The following METTL8 variants were observed in gnomAD, a reference collection of about 807,000 sequenced individuals.
METTL8 encodes the protein tRNA N(3)-cytidine methyltransferase METTL8, mitochondrial.
METTL8 carries 32 observed loss-of-function variants against 48.7 expected under a neutral mutation model. The observed-to-expected ratio is 0.66, with a 90% CI of 0.50 to 0.88. METTL8 has a LOEUF of 0.88. Ranked by LOEUF, METTL8 falls within the 40% of genes least tolerant of loss-of-function variation. METTL8 has a pLI of 0.00. For synonymous variants in METTL8, 136 were observed against 157.1 expected (o/e 0.87, Z 1.01); for missense variants, 464 against 474.4 (o/e 0.98, Z 0.20).
chr2:171,397,365 A>C (rs1456766255), intron 1 of METTL8, among the ~76,000 whole-genome samples: 1 of 146,518 alleles, frequency 6.8e-6, no homozygotes, highest in African/African-American at 2.5e-5. Context: ...AAAAAAAAAA[A>C]AAAAAAAAAA....
chr2:171,345,171 C>G (rs1046766433), intron 3 of METTL8, among the ~76,000 whole-genome samples: 1 of 152,118 alleles, frequency 6.6e-6, no homozygotes, highest in Admixed American at 6.6e-5. Flanking sequence ...CCCAATGAAG[C>G]AACTTCTCAA....
chr2:171,374,812 G>C, intron 2 of METTL8: 1 of 660,624 alleles, frequency 1.5e-6, no homozygotes, highest in Non-Finnish European at 2.7e-6. Context: ...ATTCATCCAT[G>C]TTGTATATGT....
At chr2:171,429,188 G>A (rs1692724310) in intron 1 of METTL8, among the ~76,000 whole-genome samples, 2 of 152,102 alleles carry the variant, frequency 1.3e-5, no homozygotes, top group African/African-American at 4.8e-5. Flanking sequence ...TTTTAATTGA[G>A]TGCTGTCACA....
chr2:171,384,776 G>A (rs1430869887), intron 2 of METTL8, among the ~76,000 whole-genome samples: 23 of 152,066 alleles, frequency 1.5e-4, no homozygotes. Context: ...AAACTGCAAT[G>A]AGCTGTGATC....
intron 2 of METTL8, among the ~76,000 whole-genome samples, chr2:171,377,486 T>C (rs997758627): frequency 3.3e-5 from 5 of 152,208 alleles, no homozygotes; most frequent in Non-Finnish European, 7.4e-5. Context: ...TCAAACTATG[T>C]ATCTGACAAA....
intron 1 of METTL8, among the ~76,000 whole-genome samples, chr2:171,401,808 C>A (rs1423781179): frequency 2.7e-5 from 4 of 150,386 alleles, no homozygotes; most frequent in Non-Finnish European, 5.9e-5. Flanking sequence ...TTGATGGCAT[C>A]ATTGAACAGG....
At chr2:171,410,615 C>G (rs2105621029) in intron 1 of METTL8, among the ~76,000 whole-genome samples, 1 of 152,280 alleles carries the variant, frequency 6.6e-6, no homozygotes, top group East Asian at 1.9e-4. Context: ...AATAGCAAAA[C>G]ATTTTTGAAA....
chr2:171,402,095 C>G (rs1448338292), intron 1 of METTL8, among the ~76,000 whole-genome samples: 1 of 152,066 alleles, frequency 6.6e-6, no homozygotes, highest in African/African-American at 2.4e-5. Context: ...CTAGTGGTGG[C>G]TCTGAGAAGC....
chr2:171,429,976 G>A (rs1352147526), intron 1 of METTL8, among the ~76,000 whole-genome samples: 2 of 151,238 alleles, frequency 1.3e-5, no homozygotes, highest in Non-Finnish European at 3.0e-5. Context: ...GGAAGCAGAG[G>A]TTGCAGTGAG....
chr2:171,426,271 A>T (rs1692407806), intron 1 of METTL8, among the ~76,000 whole-genome samples: 1 of 152,232 alleles, frequency 6.6e-6, no homozygotes, highest in East Asian at 1.9e-4. Flanking sequence ...AGTAGTAAAC[A>T]TGAATGAATT....
At chr2:171,387,123 A>G (rs1688132688) in intron 2 of METTL8, among the ~76,000 whole-genome samples, 1 of 1,100 alleles carries the variant, frequency 9.1e-4, no homozygotes, top group Non-Finnish European at 4.1e-3. Context: ...CCTGGGATAC[A>G]GAAATCTGTC....
chr2:171,423,314 C>T (rs1409452193), intron 1 of METTL8, among the ~76,000 whole-genome samples: 1 of 152,104 alleles, frequency 6.6e-6, no homozygotes, highest in Non-Finnish European at 1.5e-5. Flanking sequence ...GAATGGGGTG[C>T]TGCTGTAAAG....
intron 1 of METTL8, among the ~76,000 whole-genome samples, chr2:171,422,580 T>C (rs1649287593): frequency 6.6e-6 from 1 of 152,066 alleles, no homozygotes; most frequent in Non-Finnish European, 1.5e-5. Context: ...TGAAGAATTG[T>C]TACGGAGAAA....
chr2:171,333,774 C>T (rs139394698), intron 5 of METTL8, among the ~76,000 whole-genome samples: 172 of 152,238 alleles, frequency 1.1e-3, no homozygotes, highest in South Asian at 5.4e-3. Context: ...ACAAGACTGC[C>T]TAAGGTTTGA....
chr2:171,399,718 A>G (rs1480871164), intron 1 of METTL8, among the ~76,000 whole-genome samples: 1 of 152,226 alleles, frequency 6.6e-6, no homozygotes, highest in Non-Finnish European at 1.5e-5. Flanking sequence ...AATGCACATG[A>G]CAAAATACCT....
chr2:171,335,813 A>C (rs986856962), intron 5 of METTL8, among the ~76,000 whole-genome samples: 2 of 152,144 alleles, frequency 1.3e-5, no homozygotes, highest in South Asian at 2.1e-4. Flanking sequence ...TTAAAACAAA[A>C]ATTTTGTCAG....
At chr2:171,345,247 A>G (rs970077455) in intron 3 of METTL8, among the ~76,000 whole-genome samples, 3 of 152,212 alleles carry the variant, frequency 2.0e-5, no homozygotes, top group African/African-American at 7.2e-5. Flanking sequence ...CCATCCTTAA[A>G]TATTCAGAAT....
intron 3 of METTL8, among the ~76,000 whole-genome samples, chr2:171,350,709 G>A (rs559028540): frequency 3.7e-4 from 57 of 152,286 alleles, no homozygotes; most frequent in Non-Finnish European, 7.4e-4. Context: ...TTCCCTGACG[G>A]CCAGTGATGA....
At chr2:171,338,200 G>A (rs900890207) in intron 4 of METTL8, among the ~76,000 whole-genome samples, 2 of 152,084 alleles carry the variant, frequency 1.3e-5, no homozygotes, top group Admixed American at 1.3e-4. Context: ...AAATAGATAA[G>A]TAAAATTATA....
Sources: gnomAD v4.1 joint callset for allele counts (sites outside exome capture counted in the v4.1 genomes callset) on GRCh38, gnomAD v4.1.1 for gene constraint, MANE v1.5 for transcripts, NCBI Gene and HGNC (gene_info 2026-07-23, HGNC 2026-07-21) for gene names.